GRIK4: variants seen among roughly 807,000 people sequenced by gnomAD.
GRIK4 encodes the protein glutamate receptor ionotropic, kainate 4.
GRIK4 carries 40 observed loss-of-function variants against 104.9 expected under a neutral mutation model. That is an observed-to-expected ratio of 0.38 (90% CI 0.30 to 0.50). The LOEUF (loss-of-function observed/expected upper bound fraction) is 0.50. Ranked by LOEUF, GRIK4 falls within the 20% of genes least tolerant of loss-of-function variation. The probability of loss-of-function intolerance (pLI) is 0.93; values close to 1 mark genes in which losing one functional copy is unlikely to be tolerated. For synonymous variants in GRIK4, 485 were observed against 524.9 expected (o/e 0.92, Z 1.04); for missense variants, 1,047 against 1,308.1 (o/e 0.80, Z 3.08).
intron 1 of GRIK4, among the ~76,000 whole-genome samples, chr11:120,530,792 G>A (rs1326166731): frequency 1.3e-5 from 2 of 152,192 alleles, no homozygotes; most frequent in Non-Finnish European, 2.9e-5. Flanking sequence ...TGGCCCTGGG[G>A]TGTGGAGGGG....
chr11:120,888,194 C>T (rs940008751), intron 11 of GRIK4, among the ~76,000 whole-genome samples: 2 of 152,034 alleles, frequency 1.3e-5, no homozygotes, highest in African/African-American at 2.4e-5. Flanking sequence ...GATAAGGATT[C>T]GAATGTTTAC....
At chr11:120,797,318 A>G (rs1200975574) in intron 3 of GRIK4, among the ~76,000 whole-genome samples, 2 of 152,148 alleles carry the variant, frequency 1.3e-5, no homozygotes, top group Admixed American at 1.3e-4. Flanking sequence ...CTCATTAGGC[A>G]GCAGCTGGGG....
At chr11:120,712,138 T>C (rs1950745159) in intron 3 of GRIK4, among the ~76,000 whole-genome samples, 1 of 152,194 alleles carries the variant, frequency 6.6e-6, no homozygotes, top group Non-Finnish European at 1.5e-5. Context: ...AATACTCCAC[T>C]AGCACACATA....
At chr11:120,955,905 A>G (rs1370417095) in intron 15 of GRIK4, among the ~76,000 whole-genome samples, 1 of 151,696 alleles carries the variant, frequency 6.6e-6, no homozygotes, top group Non-Finnish European at 1.5e-5. Flanking sequence ...CTCAGTATGG[A>G]CACTGGCCCG....
At chr11:120,840,793 T>C (rs1468586348) in intron 8 of GRIK4, among the ~76,000 whole-genome samples, 1 of 152,216 alleles carries the variant, frequency 6.6e-6, no homozygotes, top group Non-Finnish European at 1.5e-5. Flanking sequence ...GTGGCGTTAA[T>C]TATATTCTTA....
intron 1 of GRIK4, among the ~76,000 whole-genome samples, chr11:120,567,879 T>C (rs1051716216): frequency 9.2e-5 from 14 of 152,186 alleles, no homozygotes; most frequent in Admixed American, 7.2e-4. Context: ...GATAGTTGTC[T>C]AGCATAAAAT....
intron 3 of GRIK4, among the ~76,000 whole-genome samples, chr11:120,689,233 C>T (rs750142875): frequency 1.3e-5 from 2 of 152,048 alleles, no homozygotes; most frequent in Non-Finnish European, 2.9e-5. Flanking sequence ...ATTGCCTCTG[C>T]CCTTACCCTC....
intron 3 of GRIK4, among the ~76,000 whole-genome samples, chr11:120,787,711 C>T (rs920888159): frequency 2.0e-5 from 3 of 151,848 alleles, no homozygotes; most frequent in Admixed American, 1.3e-4. Context: ...GATCCACCTG[C>T]CTTGGCCTCC....
intron 3 of GRIK4, among the ~76,000 whole-genome samples, chr11:120,779,030 G>A (rs561559677): frequency 3.8e-4 from 58 of 152,292 alleles, no homozygotes; most frequent in Non-Finnish European, 7.5e-4. Context: ...CAGCTGGGGA[G>A]GTGAGCGCCG....
At chr11:120,582,462 C>CCCCCTTCT (rs1948599120) in intron 1 of GRIK4, among the ~76,000 whole-genome samples, 1 of 152,132 alleles carries the variant, frequency 6.6e-6, no homozygotes, top group Non-Finnish European at 1.5e-5. Flanking sequence ...TCCCTCCTCT[C>CCCCCTTCT]ACCCCCTGCC....
intron 1 of GRIK4, among the ~76,000 whole-genome samples, chr11:120,581,872 T>C (rs1484762322): frequency 6.6e-6 from 1 of 152,048 alleles, no homozygotes; most frequent in Non-Finnish European, 1.5e-5. Context: ...AGTGGCGTGA[T>C]CTCGGCTCAC....
At position 120,966,191 on chromosome 11, in the gene GRIK4, AG is replaced by A. The variant is rs200426196; in HGVS notation, c.2267-1001del. Among the ~76,000 whole-genome samples, 1,184 of 152,310 alleles carry A rather than the reference AG, an allele frequency of 7.8e-3. 14 individuals carry two copies. Among genetic ancestry groups the A allele is most frequent in the African/African-American group, 0.027 (1,142 of 41,562 alleles). On this transcript the variant is annotated intron_variant, in intron 18 of 20. Coordinates refer to ENST00000527524, the MANE Select transcript of GRIK4 (RefSeq NM_014619.5). ...GGAGGGAAGGAGGACTGGGAGAAAC[AG>A]GGTGATGGACAGGCCAGTGGGTTCT...
At chr11:120,857,796 T>A (rs550898547) in intron 8 of GRIK4, among the ~76,000 whole-genome samples, 1 of 152,302 alleles carries the variant, frequency 6.6e-6, no homozygotes, top group South Asian at 2.1e-4. Flanking sequence ...AAGCACTCTC[T>A]AGATGCAGTG....
At chr11:120,824,139 T>C (rs141483262) in intron 6 of GRIK4, among the ~76,000 whole-genome samples, 2 of 152,356 alleles carry the variant, frequency 1.3e-5, no homozygotes, top group East Asian at 3.9e-4. Flanking sequence ...TGGAGAATCA[T>C]GCCACTTACT....
chr11:120,950,866 A>G (rs1310585699), intron 14 of GRIK4, among the ~76,000 whole-genome samples: 1 of 152,210 alleles, frequency 6.6e-6, no homozygotes, highest in Non-Finnish European at 1.5e-5. Flanking sequence ...AGCCAAGCTC[A>G]AATGATTTCC....
intron 1 of GRIK4, among the ~76,000 whole-genome samples, chr11:120,514,189 C>T (rs1369608881): frequency 6.6e-6 from 1 of 152,150 alleles, no homozygotes; most frequent in African/African-American, 2.4e-5. Flanking sequence ...GTGGGCAGCG[C>T]CAAGCGTGTG....
intron 11 of GRIK4, among the ~76,000 whole-genome samples, chr11:120,894,977 G>C (rs1942536533): frequency 6.6e-6 from 1 of 151,452 alleles, no homozygotes; most frequent in African/African-American, 2.4e-5. Flanking sequence ...TTAATTTCTT[G>C]GGGGCTAATG....
At position 120,960,893 on chromosome 11, in the gene GRIK4, G is replaced by T. The variant is rs372363495; in HGVS notation, c.1875-16G>T. 6.2e-7 allele frequency: 1 copy of T among 1,608,492 alleles called. No individual in the cohort carries two copies. The highest frequency in any genetic ancestry group is 1.7e-4 in the Middle Eastern group (1 of 6,002). On this transcript the variant is annotated splice_polypyrimidine_tract_variant and intron_variant, in intron 16 of 20. Transcript: ENST00000527524. ...GTGCCCGGGCAATGATGACTTCCTCGTCTTTTCCTACATAGGTGGGCATTC... is the reference window on the plus strand; with the variant it reads ...GTGCCCGGGCAATGATGACTTCCTCTTCTTTTCCTACATAGGTGGGCATTC...
At chr11:120,949,006 G>T (rs1381510522) in intron 14 of GRIK4, among the ~76,000 whole-genome samples, 1 of 152,168 alleles carries the variant, frequency 6.6e-6, no homozygotes, top group Non-Finnish European at 1.5e-5. Context: ...GCAGAGTCTG[G>T]GTTTTATTCA....
Sources: allele counts gnomAD v4.1 joint callset (sites outside exome capture counted in the v4.1 genomes callset), GRCh38; gene constraint gnomAD v4.1.1; transcripts MANE v1.5; gene names NCBI Gene and HGNC (gene_info 2026-07-23, HGNC 2026-07-21).